MPV17L: variants seen among roughly 807,000 people sequenced by gnomAD.
The protein encoded by MPV17L is mpv17-like protein.
Under a neutral mutation model 25.8 loss-of-function variants are expected in MPV17L, and 24 were observed. The observed-to-expected ratio is 0.93, with a 90% CI of 0.67 to 1.31. The LOEUF (loss-of-function observed/expected upper bound fraction) is 1.31, where lower values mean the gene tolerates loss of function less well. Ranked by LOEUF, MPV17L falls within the 50% of genes most tolerant of loss-of-function variation. The pLI, the probability that MPV17L is intolerant of heterozygous loss-of-function variation, is 0.00. For missense variants in MPV17L, 250 were observed against 265.6 expected, an observed-to-expected ratio of 0.94 and a Z score of 0.41; for synonymous variants, 102 against 115.3, an observed-to-expected ratio of 0.88 and a Z score of 0.74.
Position 15,396,214 on chromosome 16 carries a change from G to C in MPV17L, c.310+7G>C. On this transcript the variant is annotated splice_region_variant and intron_variant, in intron 1 of 3. Transcript: ENST00000396385. ...GTCTCGGCCTTCTATGTCGGTGAGG[G>C]GCCGGGAGGGGACCTGGGGGGTGGG... 1 of 1,547,920 alleles carries C rather than the reference G, an allele frequency of 6.5e-7. No individual in the cohort carries two copies. The highest frequency in any genetic ancestry group is 8.7e-7 in the Non-Finnish European group (1 of 1,146,690).
rs1256820423 is a variant in MPV17L at position 15,408,242 on chromosome 16, T to G, written c.*130T>G. On this transcript the variant is annotated 3_prime_UTR_variant, in exon 4 of 4. Coordinates refer to ENST00000396385, the MANE Select transcript of MPV17L (RefSeq NM_001128423.2). ...AATTACTACTATTTATAGACCCACT[T>G]TTTAAAAAATTATCAATGATTATTT... 6.3e-6 allele frequency: 4 copies of G among 637,544 alleles called. No homozygotes were observed. The African/African-American group carries it at 7.3e-5, about 12-fold the overall frequency. The allele number at this position is 637,544 out of a possible 1,614,324, so 39.5% of individuals were successfully genotyped here.
At chr16:15,405,976 G>A (rs1346180700) in intron 2 of MPV17L, among the ~76,000 whole-genome samples, 1 of 151,918 alleles carries the variant, frequency 6.6e-6, no homozygotes, top group Non-Finnish European at 1.5e-5. Flanking sequence ...ATCACCTGAG[G>A]TCAGGAGTTC....
intron 1 of MPV17L, among the ~76,000 whole-genome samples, chr16:15,397,923 T>A (rs2050601400): frequency 6.6e-6 from 1 of 152,076 alleles, no homozygotes; most frequent in South Asian, 2.1e-4. Flanking sequence ...CGGTGTGTGA[T>A]TTGCAGACTA....
rs2150902969 is a variant in MPV17L, at chr16:15,395,992, A to G, written c.95A>G (p.Asp32Gly). The G allele has an allele frequency of 6.6e-7, 1 of 1,513,792 alleles. No individual in the cohort carries two copies. Among genetic ancestry groups the G allele is most frequent in the East Asian group, 2.6e-5 (1 of 38,544 alleles). 93.8% of individuals were successfully genotyped at this position (1,513,792 alleles called of 1,614,324 possible). ...LLYGSLVSAG[D>G]ALQQRLQGRE... is the part of the protein sequence containing the mutation. The stretch of plus-strand genomic sequence containing the variant: ...TACGGCTCGCTCGTCTCGGCCGGGG[A>G]CGCGCTGCAACAGCGGCTGCAGGGC... Residue 32 changes from aspartate to glycine, a missense_variant, in exon 1 of 4, where the codon GAC (aspartate) becomes GGC (glycine). Transcript: ENST00000396385.
In MPV17L at chr16:15,400,102, C is replaced by A. The variant is rs577522839; in HGVS notation, c.311-685C>A. Among the ~76,000 whole-genome samples, 75 of 152,162 alleles carry A rather than the reference C, an allele frequency of 4.9e-4. 1 individual carries two copies. In the South Asian group the frequency reaches 0.015, roughly 31 times the overall value. On this transcript the variant is annotated intron_variant, in intron 1 of 3. Transcript: ENST00000396385. ...ACAGGCATGAGCCACGCGCCCAGCC[C>A]ACTAGCTTTTTTAAAAAGACAGAAA...
chr16:15,408,692 C>G lies in MPV17L; in HGVS notation c.*580C>G, dbSNP rs1357830333. 1 of 149,148 alleles carries G rather than the reference C, an allele frequency of 6.7e-6. No homozygotes were observed. The highest frequency in any genetic ancestry group is 2.5e-5 in the African/African-American group (1 of 40,508). The allele number at this position is 149,148 out of a possible 1,614,324, so 9.2% of individuals were successfully genotyped here. ...ATCGCGGCTCACTGCAGCCTCCATC[C>G]TCTGGGTTCAAGCAATTCTCCTGCC... On this transcript the variant is annotated 3_prime_UTR_variant, in exon 4 of 4. Coordinates refer to ENST00000396385, the MANE Select transcript of MPV17L (RefSeq NM_001128423.2).
chr16:15,395,844 G>A lies in MPV17L; in HGVS notation c.-54G>A. ...GAGGCTGGGGAGGCCCGGACCCGGT[G>A]CAGGAAGACGCCGACCACGCGGGCT... On this transcript the variant is annotated 5_prime_UTR_variant, in exon 1 of 4. Transcript: ENST00000396385. 7.4e-7 allele frequency: 1 copy of A among 1,359,152 alleles called. No homozygotes were observed. The highest frequency in any genetic ancestry group is 1.7e-5 in the South Asian group (1 of 57,974). 84.2% of individuals were successfully genotyped at this position (1,359,152 alleles called of 1,614,324 possible). A position where few individuals can be genotyped will look rare whatever the true frequency, so the allele number is the denominator to read the frequency against.
chr16:15,397,030 C>G (rs1459056770), intron 1 of MPV17L, among the ~76,000 whole-genome samples: 1 of 152,102 alleles, frequency 6.6e-6, no homozygotes, highest in Non-Finnish European at 1.5e-5. Context: ...GGTTCATTCC[C>G]TTAACGAGTC....
rs199674450 is a variant in MPV17L at position 15,400,868 on chromosome 16, C to A, written c.381+11C>A. Reference sequence around the variant, plus strand: ...TGGAATACCTATCTGGTAAGATAGGCGTTTGAAAATGTAATCACTATATTT... The same window carrying A: ...TGGAATACCTATCTGGTAAGATAGGAGTTTGAAAATGTAATCACTATATTT... On this transcript the variant is annotated intron_variant, in intron 2 of 3. Coordinates refer to ENST00000396385, the MANE Select transcript of MPV17L (RefSeq NM_001128423.2). 35 of 1,562,676 alleles carry A rather than the reference C, an allele frequency of 2.2e-5. No individual in the cohort carries two copies. The East Asian group carries it at 7.0e-4, about 31-fold the overall frequency.
At chr16:15,397,817 C>CA (rs1313573549) in intron 1 of MPV17L, among the ~76,000 whole-genome samples, 1 of 104,022 alleles carries the variant, frequency 9.6e-6, no homozygotes, top group Non-Finnish European at 2.4e-5. Flanking sequence ...GTTGTCATTG[C>CA]GGCCAACTAC....
At chr16:15,403,903 C>T (rs2050659906) in intron 2 of MPV17L, among the ~76,000 whole-genome samples, 1 of 152,024 alleles carries the variant, frequency 6.6e-6, no homozygotes, top group South Asian at 2.1e-4. Flanking sequence ...CAGGATGGCT[C>T]ACGCCTGTAA....
At chr16:15,399,826 C>T (rs1002129379) in intron 1 of MPV17L, among the ~76,000 whole-genome samples, 43 of 152,066 alleles carry the variant, frequency 2.8e-4, no homozygotes, top group African/African-American at 8.4e-4. Flanking sequence ...GGTGCAGTCT[C>T]GGCTCACCTC....
intron 1 of MPV17L, among the ~76,000 whole-genome samples, chr16:15,396,725 T>C (rs1303299194): frequency 1.3e-5 from 2 of 152,104 alleles, no homozygotes; most frequent in Non-Finnish European, 2.9e-5. Context: ...AGGGGATCAG[T>C]GACCCTGAGG....
intron 2 of MPV17L, among the ~76,000 whole-genome samples, chr16:15,403,132 G>A (rs1402163480): frequency 6.6e-6 from 1 of 151,472 alleles, no homozygotes; most frequent in East Asian, 1.9e-4. Flanking sequence ...CACTTTGGGA[G>A]GTGGAGGCGG....
Position 15,408,002 on chromosome 16 carries a change from GCCA to G in MPV17L, c.484_486del (p.Thr162del), listed in dbSNP as rs2150908461. 6.2e-7 allele frequency: 1 copy of G among 1,613,874 alleles called. No homozygotes were observed. The highest frequency in any genetic ancestry group is 1.7e-5 in the Admixed American group (1 of 60,004). On this transcript the variant is annotated inframe_deletion, in exon 4 of 4. Transcript: ENST00000396385. ...CGCTGGAGTCTGTGGTTTTCTCTGG[GCCA>G]CCTTCATCTGTTTTTCCCAGCAGAG...
chr16:15,403,582 G>A (rs1397394499), intron 2 of MPV17L, among the ~76,000 whole-genome samples: 2 of 151,552 alleles, frequency 1.3e-5, no homozygotes, highest in Admixed American at 1.3e-4. Flanking sequence ...GCTGAGATGG[G>A]AGGATTGCAA....
At position 15,402,591 on chromosome 16, in the gene MPV17L, T is replaced by C. The variant is rs151097615; in HGVS notation, c.381+1734T>C. ...AAGTGTGTTCAGAACTCTTGTGATT[T>C]CTCTTAGGGCAGAAATTGAGGACCC... is the stretch of plus-strand genomic sequence containing the variant. On this transcript the variant is annotated intron_variant, in intron 2 of 3. Coordinates refer to ENST00000396385, the MANE Select transcript of MPV17L (RefSeq NM_001128423.2). 8.6e-3 allele frequency among the ~76,000 whole-genome samples: 1,312 copies of C among 152,296 alleles called. 10 individuals are homozygous for C. Among genetic ancestry groups the C allele is most frequent in the South Asian group, 0.024 (116 of 4,826 alleles).
chr16:15,397,389 C>G (rs1282877780), intron 1 of MPV17L, among the ~76,000 whole-genome samples: 2 of 152,128 alleles, frequency 1.3e-5, no homozygotes, highest in Admixed American at 6.5e-5. Context: ...ACAGGGTGAC[C>G]TCATTCCGCC....
rs532208328 is a variant in MPV17L at position 15,402,132 on chromosome 16, C to T, written c.381+1275C>T. Reference sequence around the variant, plus strand: ...TATTGATAGAGAAGGAGAAGGTTTCCAAGGGTTATTCCAAGGTTTGAAGCA... The same window carrying T: ...TATTGATAGAGAAGGAGAAGGTTTCTAAGGGTTATTCCAAGGTTTGAAGCA... On this transcript the variant is annotated intron_variant, in intron 2 of 3. Transcript: ENST00000396385. Among the ~76,000 whole-genome samples, 216 of 152,242 alleles carry T rather than the reference C, an allele frequency of 1.4e-3. 3 individuals are homozygous for T. The highest frequency in any genetic ancestry group is 1.5e-3 in the Non-Finnish European group (105 of 68,018).
Sources: gnomAD v4.1 joint callset for allele counts (sites outside exome capture counted in the v4.1 genomes callset) on GRCh38, gnomAD v4.1.1 for gene constraint, MANE v1.5 for transcripts, NCBI Gene and HGNC (gene_info 2026-07-23, HGNC 2026-07-21) for gene names.